The following SUFU variants were observed in gnomAD, a reference collection of about 807,000 sequenced individuals.
SUFU encodes SUFU negative regulator of hedgehog signaling, also known as suppressor of fused homolog.
A neutral mutation model predicts 58.9 loss-of-function variants in SUFU; 7 were observed. The observed-to-expected ratio is 0.12, with a 90% CI of 0.07 to 0.22. SUFU has a LOEUF of 0.22. Ranked by LOEUF, SUFU falls within the 10% of genes least tolerant of loss-of-function variation. SUFU has a pLI of 1.00. For synonymous variants in SUFU, 232 were observed against 254.8 expected (o/e 0.91, Z 0.85); for missense variants, 451 against 641.3 (o/e 0.70, Z 3.20).
chr10:102,579,854 G>A, intron 3 of SUFU: 1 of 985,360 alleles, frequency 1.0e-6, no homozygotes, highest in Non-Finnish European at 1.2e-6. Context: ...ACTTTGAAAA[G>A]GTAGGTGGGT....
intron 3 of SUFU, among the ~76,000 whole-genome samples, chr10:102,587,333 G>A (rs1038305803): frequency 5.9e-5 from 9 of 152,066 alleles, no homozygotes; most frequent in African/African-American, 1.9e-4. Flanking sequence ...CAATGCACAC[G>A]GATTCCAAAT....
intron 2 of SUFU, among the ~76,000 whole-genome samples, chr10:102,517,774 A>C (rs556179433): frequency 1.5e-4 from 23 of 152,076 alleles, no homozygotes; most frequent in Non-Finnish European, 2.9e-4. Flanking sequence ...TGGTATCCTC[A>C]CCCGTCCAAC....
At chr10:102,622,780 C>T (rs1387433775) in intron 10 of SUFU, among the ~76,000 whole-genome samples, 1 of 149,466 alleles carries the variant, frequency 6.7e-6, no homozygotes, top group East Asian at 2.0e-4. Context: ...GATCATGCTA[C>T]TGCACTCCAG....
rs188210822 is a variant in SUFU, at chr10:102,554,997, A to G, written c.454+4891A>G. 5.6e-4 allele frequency among the ~76,000 whole-genome samples: 85 copies of G among 152,292 alleles called. 1 individual carries two copies. Among genetic ancestry groups the G allele is most frequent in the Admixed American group, 4.0e-3 (61 of 15,272 alleles). The stretch of plus-strand genomic sequence containing the variant: ...AACTTTATATGGATTGGCCGGGCGC[A>G]GTGGCTCATGCCTGTAATCCCAGTA... On this transcript the variant is annotated intron_variant, in intron 3 of 11. Transcript: ENST00000369902.
At position 102,619,234 on chromosome 10, in the gene SUFU, C is replaced by G; in HGVS notation, c.1296+1806C>G. ...TCCCCTGAATGCCCTTCGGACCCAA[C>G]CCCAATTCCCCAAGCCCCTGACCCC... On this transcript the variant is annotated intron_variant, in intron 10 of 11. Transcript: ENST00000369902. This position sits in a 1 kb window ranked among gnomAD's most constrained non-coding sequence, Gnocchi z 4.2. 6.6e-7 allele frequency: 1 copy of G among 1,507,182 alleles called. No individual in the cohort carries two copies. Among genetic ancestry groups the G allele is most frequent in the Non-Finnish European group, 8.9e-7 (1 of 1,129,730 alleles). The allele number at this position is 1,507,182 out of a possible 1,614,324, so 93.4% of individuals were successfully genotyped here.
At chr10:102,546,963 G>A (rs1327129762) in intron 2 of SUFU, among the ~76,000 whole-genome samples, 3 of 152,356 alleles carry the variant, frequency 2.0e-5, no homozygotes, top group East Asian at 1.9e-4. Flanking sequence ...GCGTGTGCAC[G>A]GACCCTCCTT....
chr10:102,554,556 C>T (rs1035587618), intron 3 of SUFU, among the ~76,000 whole-genome samples: 4 of 152,296 alleles, frequency 2.6e-5, no homozygotes, highest in East Asian at 1.9e-4. Context: ...ATACTCTTAC[C>T]GTCTCCTGAC....
chr10:102,569,867 G>A (rs1484151522), intron 3 of SUFU, among the ~76,000 whole-genome samples: 1 of 152,176 alleles, frequency 6.6e-6, no homozygotes, highest in Non-Finnish European at 1.5e-5. Flanking sequence ...CATCTATGAG[G>A]AATGACTATA....
At chr10:102,520,561 C>G (rs1020722202) in intron 2 of SUFU, among the ~76,000 whole-genome samples, 1 of 152,126 alleles carries the variant, frequency 6.6e-6, no homozygotes, top group African/African-American at 2.4e-5. Flanking sequence ...TATATACCAT[C>G]ACAGCACCAT....
intron 1 of SUFU, 30 bp downstream of exon 1, chr10:102,504,364 G>T: frequency 6.2e-7 from 1 of 1,613,218 alleles, no homozygotes; most frequent in Non-Finnish European, 8.5e-7. Context: ...GAGACGGACA[G>T]GCGCGGGCTG....
intron 2 of SUFU, among the ~76,000 whole-genome samples, chr10:102,512,962 G>T (rs1405273891): frequency 2.6e-5 from 4 of 151,976 alleles, no homozygotes; most frequent in Non-Finnish European, 4.4e-5. Context: ...TAGCTGCTTG[G>T]GGGGCTGAGG....
chr10:102,580,192 TG>T (rs2063261334), intron 3 of SUFU, among the ~76,000 whole-genome samples: 1 of 152,224 alleles, frequency 6.6e-6, no homozygotes, highest in Admixed American at 6.5e-5. Context: ...ATCTGTCTGC[TG>T]TGCACTGTGT....
intron 2 of SUFU, among the ~76,000 whole-genome samples, chr10:102,512,274 A>G (rs2062409134): frequency 6.6e-6 from 1 of 152,252 alleles, no homozygotes; most frequent in Non-Finnish European, 1.5e-5. Flanking sequence ...ATAGAATAGC[A>G]AACAGATGTG....
At chr10:102,542,136 G>A (rs1245331258) in intron 2 of SUFU, among the ~76,000 whole-genome samples, 1 of 133,254 alleles carries the variant, frequency 7.5e-6, no homozygotes, top group African/African-American at 2.7e-5. Context: ...CACCCACCTT[G>A]GCGTTTTTTT....
At chr10:102,523,640 T>G (rs1031949026) in intron 2 of SUFU, among the ~76,000 whole-genome samples, 1 of 152,230 alleles carries the variant, frequency 6.6e-6, no homozygotes. Flanking sequence ...GTTGCAGACA[T>G]GCTGAATTCC....
rs552887300 is a variant in SUFU, at chr10:102,553,822, G to A, written c.454+3716G>A. ...TGAATGGCAGCTCTTGGCCAGACACGGTGGCTCATGTCTGTAATTCTAGCA... is the reference window on the plus strand; with the variant it reads ...TGAATGGCAGCTCTTGGCCAGACACAGTGGCTCATGTCTGTAATTCTAGCA... On this transcript the variant is annotated intron_variant, in intron 3 of 11. Transcript: ENST00000369902. Among the ~76,000 whole-genome samples the A allele has an allele frequency of 1.2e-4, 19 of 152,106 alleles. No homozygotes were observed. The South Asian group carries it at 1.9e-3, about 15-fold the overall frequency.
chr10:102,593,047 T>G (rs2135868466), intron 4 of SUFU, among the ~76,000 whole-genome samples: 1 of 152,274 alleles, frequency 6.6e-6, no homozygotes, highest in East Asian at 1.9e-4. Flanking sequence ...CAGCTCTGGG[T>G]CGTCCTTGCT....
chr10:102,578,495 G>A (rs569244436), intron 3 of SUFU, among the ~76,000 whole-genome samples: 1 of 151,548 alleles, frequency 6.6e-6, no homozygotes, highest in Non-Finnish European at 1.5e-5. Flanking sequence ...GGATCATAAG[G>A]TCAAGAGATT....
rs1480928841 is a variant in SUFU, at chr10:102,629,069, T to C, written c.1366-997T>C. Among the ~76,000 whole-genome samples the C allele has an allele frequency of 2.0e-5, 3 of 151,992 alleles. No homozygotes were observed. The highest frequency in any genetic ancestry group is 4.4e-5 in the Non-Finnish European group (3 of 67,992). On this transcript the variant is annotated intron_variant, in intron 11 of 11. Coordinates refer to ENST00000369902, the MANE Select transcript of SUFU (RefSeq NM_016169.4). The surrounding 1 kb of genome is among the most constrained non-coding windows in gnomAD (Gnocchi z 4.7). ...TACTCGGGAGGCTGAGGCACGAGAA[T>C]CGCTTGAACCCGGGAAGCAAAAGTT...
Sources: gnomAD v4.1 joint callset for allele counts (sites outside exome capture counted in the v4.1 genomes callset) on GRCh38, gnomAD v4.1.1 for gene constraint, Gnocchi (gnomAD v3.1) non-coding constraint, MANE v1.5 for transcripts, NCBI Gene and HGNC (gene_info 2026-07-23, HGNC 2026-07-21) for gene names.